The following THSD4 variants were observed in gnomAD, a reference collection of about 807,000 sequenced individuals.
The protein encoded by THSD4 is thrombospondin type-1 domain-containing protein 4.
THSD4 carries 69 observed loss-of-function variants against 119.0 expected under a neutral mutation model. That is an observed-to-expected ratio of 0.58 (90% CI 0.48 to 0.71). The LOEUF (loss-of-function observed/expected upper bound fraction) is 0.71. Ranked by LOEUF, THSD4 falls within the 30% of genes least tolerant of loss-of-function variation. The pLI, the probability that THSD4 is intolerant of heterozygous loss-of-function variation, is 0.00. For synonymous variants in THSD4, 524 were observed against 540.4 expected, an observed-to-expected ratio of 0.97 and a Z score of 0.42; for missense variants, 1,393 against 1,391.1, an observed-to-expected ratio of 1.00 and a Z score of -0.02.
intron 6 of THSD4, among the ~76,000 whole-genome samples, chr15:71,304,642 T>A (rs956338840): frequency 6.6e-6 from 1 of 152,190 alleles, no homozygotes; most frequent in African/African-American, 2.4e-5. Context: ...GAAATTATTT[T>A]CAGAGAATTC....
chr15:71,478,287 C>T (rs184526102), intron 7 of THSD4, among the ~76,000 whole-genome samples: 51 of 152,294 alleles, frequency 3.3e-4, no homozygotes, highest in Admixed American at 1.2e-3. Context: ...AACTCCATTC[C>T]TGACTTTCTT....
intron 8 of THSD4, among the ~76,000 whole-genome samples, chr15:71,670,090 T>C (rs2051492920): frequency 6.6e-6 from 1 of 152,146 alleles, no homozygotes; most frequent in African/African-American, 2.4e-5. Flanking sequence ...ACCTTTTTTT[T>C]TATTATTATA....
intron 6 of THSD4, among the ~76,000 whole-genome samples, chr15:71,265,602 C>T (rs1370386181): frequency 2.0e-5 from 3 of 151,978 alleles, no homozygotes; most frequent in Admixed American, 2.0e-4. Context: ...GCCAGTGAGA[C>T]AAAACTGTTC....
At chr15:71,248,086 C>A (rs750710216) in intron 5 of THSD4, among the ~76,000 whole-genome samples, 35 of 152,132 alleles carry the variant, frequency 2.3e-4, no homozygotes, top group Admixed American at 1.5e-3. Flanking sequence ...TCAAGACCAG[C>A]CTGGGGAACA....
chr15:71,101,921 C>T (rs1453000343), intron 1 of THSD4, among the ~76,000 whole-genome samples: 1 of 152,072 alleles, frequency 6.6e-6, no homozygotes, highest in Non-Finnish European at 1.5e-5. Flanking sequence ...ACCATGTTGC[C>T]CAGGGTGGTC....
intron 7 of THSD4, among the ~76,000 whole-genome samples, chr15:71,431,450 G>A (rs1391191837): frequency 6.6e-6 from 1 of 152,128 alleles, no homozygotes; most frequent in African/African-American, 2.4e-5. Flanking sequence ...TTCAGGAGAA[G>A]CATCAGAGTA....
At chr15:71,295,206 G>A (rs1290853654) in intron 6 of THSD4, among the ~76,000 whole-genome samples, 1 of 152,162 alleles carries the variant, frequency 6.6e-6, no homozygotes, top group East Asian at 1.9e-4. Context: ...GATCCTGGGA[G>A]GGTGATATGA....
intron 6 of THSD4, among the ~76,000 whole-genome samples, chr15:71,338,832 C>G (rs2045523196): frequency 6.6e-6 from 1 of 152,128 alleles, no homozygotes; most frequent in Non-Finnish European, 1.5e-5. Flanking sequence ...CTATGAAAGA[C>G]TGAAATCTCC....
At chr15:71,255,570 A>G (rs2044305897) in intron 5 of THSD4, among the ~76,000 whole-genome samples, 2 of 152,204 alleles carry the variant, frequency 1.3e-5, no homozygotes, top group Non-Finnish European at 2.9e-5. Flanking sequence ...ATTTCCAGAA[A>G]GATCTCTGGG....
intron 6 of THSD4, chr15:71,348,068 A>G (rs541262348): frequency 1.3e-5 from 2 of 152,304 alleles, no homozygotes; most frequent in South Asian, 4.2e-4. Flanking sequence ...TATTTTGTAA[A>G]ATCTTGGACA....
chr15:71,180,812 A>G (rs972523985), intron 3 of THSD4, among the ~76,000 whole-genome samples: 1 of 152,192 alleles, frequency 6.6e-6, no homozygotes, highest in African/African-American at 2.4e-5. Flanking sequence ...GGAACCTTCC[A>G]GGGTGTTGGA....
chr15:71,497,030 T>C (rs545616006), intron 7 of THSD4, among the ~76,000 whole-genome samples: 5 of 152,236 alleles, frequency 3.3e-5, no homozygotes, highest in African/African-American at 1.2e-4. Flanking sequence ...ATCCAAGAAA[T>C]GGAACACCAG....
chr15:71,367,816 G>C (rs1034087627), intron 6 of THSD4, among the ~76,000 whole-genome samples: 1 of 152,168 alleles, frequency 6.6e-6, no homozygotes, highest in Admixed American at 6.5e-5. Context: ...GGATGGCTGG[G>C]TCAAATGGTA....
chr15:71,349,375 C>G (rs145090770), intron 6 of THSD4, among the ~76,000 whole-genome samples: 7 of 152,280 alleles, frequency 4.6e-5, no homozygotes, highest in Non-Finnish European at 8.8e-5. Flanking sequence ...CATTCACATG[C>G]GTACATTTGC....
At chr15:71,694,841 C>G (rs1255823265) in intron 8 of THSD4, among the ~76,000 whole-genome samples, 2 of 152,076 alleles carry the variant, frequency 1.3e-5, no homozygotes, top group African/African-American at 4.8e-5. Context: ...AGGACCACAG[C>G]AAACCACCCA....
intron 7 of THSD4, among the ~76,000 whole-genome samples, chr15:71,637,814 C>G (rs1175636918): frequency 6.6e-6 from 1 of 152,008 alleles, no homozygotes; most frequent in Non-Finnish European, 1.5e-5. Context: ...CAACCTCTGC[C>G]TCCTGGGTTC....
At chr15:71,711,749 G>A (rs1262366810) in intron 8 of THSD4, among the ~76,000 whole-genome samples, 1 of 151,938 alleles carries the variant, frequency 6.6e-6, no homozygotes, top group Non-Finnish European at 1.5e-5. Context: ...AAGCAGGAGT[G>A]GCTATATTAA....
At chr15:71,376,501 A>C (rs139524387) in intron 6 of THSD4, among the ~76,000 whole-genome samples, 1 of 151,978 alleles carries the variant, frequency 6.6e-6, no homozygotes, top group African/African-American at 2.4e-5. Context: ...CTGACTTGCA[A>C]CCTTTTTCTG....
chr15:71,126,842 G>A (rs1484774464), intron 1 of THSD4, among the ~76,000 whole-genome samples: 2 of 152,106 alleles, frequency 1.3e-5, no homozygotes, highest in Non-Finnish European at 2.9e-5. Context: ...TTATATTATG[G>A]GGCACAAAGT....
Sources: gnomAD v4.1 joint callset for allele counts (sites outside exome capture counted in the v4.1 genomes callset) on GRCh38, gnomAD v4.1.1 for gene constraint, MANE v1.5 for transcripts, NCBI Gene and HGNC (gene_info 2026-07-23, HGNC 2026-07-21) for gene names.